Variants in ACLY observed in about 807,000 individuals in gnomAD.
The protein encoded by ACLY is ATP citrate lyase, also known as ATP-citrate synthase.
ACLY carries 41 observed loss-of-function variants against 133.0 expected under a neutral mutation model. The ratio of observed to expected loss-of-function variants is 0.31; its 90% CI spans 0.24 to 0.40. The LOEUF is 0.40. Ranked by LOEUF, ACLY falls within the 10% of genes least tolerant of loss-of-function variation. ACLY has a pLI of 1.00. For missense variants in ACLY, 1,046 were observed against 1,453.8 expected (o/e 0.72, Z 4.56); for synonymous variants, 495 against 549.3 (o/e 0.90, Z 1.38).
At position 41,897,779 on chromosome 17, in the gene ACLY, C is replaced by T. The variant is rs782423120; in HGVS notation, c.1399G>A (p.Ala467Thr). Residue 467 changes from alanine (A) to threonine (T), a missense_variant, in exon 13 of 29, where the codon GCA becomes ACA. By Grantham distance (58) the Ala-to-Thr change is moderately conservative (BLOSUM62 0). Coordinates refer to ENST00000352035, the MANE Select transcript of ACLY (RefSeq NM_001096.3). ...SESRADEVAP[A>T]KKAKPAMPQD... ...GGCATGGCAGGCTTGGCCTTCTTTGCAGGCGCCACCTCATCGGCCCTGGAC... is the reference window on the plus strand; with the variant it reads ...GGCATGGCAGGCTTGGCCTTCTTTGTAGGCGCCACCTCATCGGCCCTGGAC... 5 of 1,612,798 alleles carry T rather than the reference C, an allele frequency of 3.1e-6. No homozygotes were observed. In the South Asian group the frequency reaches 4.4e-5, roughly 14 times the overall value.
In ACLY at chr17:41,882,999, CAAGT is replaced by C. The variant is rs1246139127; in HGVS notation, c.2265+119_2265+122del. ...CTGGCTGGACTTTGTAGTAACCAAGCAAGTAACAAACGTTTCTTGAAGGAACTAG... is the reference window on the plus strand; with the variant it reads ...CTGGCTGGACTTTGTAGTAACCAAGCAACAAACGTTTCTTGAAGGAACTAG... On this transcript the variant is annotated intron_variant, in intron 20 of 28. Coordinates refer to ENST00000352035, the MANE Select transcript of ACLY (RefSeq NM_001096.3). The C allele has an allele frequency of 3.4e-5, 27 of 805,116 alleles. No individual in the cohort carries two copies. In the South Asian group the frequency reaches 4.6e-4, roughly 14 times the overall value. 49.9% of individuals were successfully genotyped at this position (805,116 alleles called of 1,614,324 possible). A position where few individuals can be genotyped will look rare whatever the true frequency, so the allele number is the denominator to read the frequency against.
At chr17:41,881,779 T>C (rs192347160) in intron 20 of ACLY, among the ~76,000 whole-genome samples, 73 of 152,206 alleles carry the variant, frequency 4.8e-4, no homozygotes, top group Middle Eastern at 6.8e-3. Flanking sequence ...TCTACCAAGG[T>C]CTGATTTTAA....
At chr17:41,919,942 C>A (rs1555635239), upstream of ACLY, among the ~76,000 whole-genome samples, 1 of 152,162 alleles carries the variant, frequency 6.6e-6, no homozygotes, top group African/African-American at 2.4e-5. Flanking sequence ...CCTACCTGCA[C>A]CCCAACCCTG....
At chr17:41,897,870 G>C in intron 12 of ACLY, 31 bp from the exon 13 acceptor site, 5 of 1,591,038 alleles carry the variant, frequency 3.1e-6, no homozygotes, top group Non-Finnish European at 4.3e-6. Flanking sequence ...AGTGTAAGAG[G>C]TAAGAGTCAC....
rs2048490575 is a variant in ACLY, at chr17:41,867,254, C to T, written c.*556G>A. On this transcript the variant is annotated 3_prime_UTR_variant, in exon 29 of 29. Coordinates refer to ENST00000352035, the MANE Select transcript of ACLY (RefSeq NM_001096.3). ...ACAGACTCTGGTCTGCAACACAGAACATTTCAGTGGGATACCAAACAAGCC... is the reference window on the plus strand; with the variant it reads ...ACAGACTCTGGTCTGCAACACAGAATATTTCAGTGGGATACCAAACAAGCC... 6.6e-6 allele frequency: 1 copy of T among 152,346 alleles called. No individual in the cohort carries two copies. The highest frequency in any genetic ancestry group is 2.1e-4 in the South Asian group (1 of 4,832). The allele number at this position is 152,346 out of a possible 1,614,324, so 9.4% of individuals were successfully genotyped here.
At chr17:41,929,903 CA>C (rs1280083517) in intron 1 of ACLY, among the ~76,000 whole-genome samples, 2 of 151,864 alleles carry the variant, frequency 1.3e-5, no homozygotes, top group Non-Finnish European at 2.9e-5. Context: ...TAGTTAAAGA[CA>C]TCTTTTTACT....
intron 16 of ACLY, among the ~76,000 whole-genome samples, chr17:41,890,460 G>A (rs1315583776): frequency 2.0e-5 from 3 of 151,656 alleles, no homozygotes; most frequent in African/African-American, 7.3e-5. Flanking sequence ...CGAGGCGGGC[G>A]GATCACGAGG....
At chr17:41,884,024 T>C (rs1221427930) in intron 19 of ACLY, among the ~76,000 whole-genome samples, 169 bp downstream of exon 19, 2 of 152,158 alleles carry the variant, frequency 1.3e-5, no homozygotes, top group Non-Finnish European at 2.9e-5. Context: ...CTCTGAAACA[T>C]AAATGGCAGT....
chr17:41,928,009 C>T (rs555444231), intron 1 of ACLY, among the ~76,000 whole-genome samples: 7 of 151,908 alleles, frequency 4.6e-5, no homozygotes, highest in East Asian at 1.9e-4. Context: ...TGTGGTGGTG[C>T]GTGTCTGTAG....
At position 41,902,652 on chromosome 17, in the gene ACLY, AC is replaced by A. The variant is rs142221232; in HGVS notation, c.1066-840del. ...TGACTTCTGTCACCCAAGGCATTTT[AC>A]ACAAAGTTCCATGTACAGTACCTGC... On this transcript the variant is annotated intron_variant, in intron 10 of 28. Coordinates refer to ENST00000352035, the MANE Select transcript of ACLY (RefSeq NM_001096.3). 5.4e-3 allele frequency among the ~76,000 whole-genome samples: 824 copies of A among 152,358 alleles called. 7 individuals carry two copies. The highest frequency in any genetic ancestry group is 0.019 in the African/African-American group (787 of 41,598).
intron 1 of ACLY, among the ~76,000 whole-genome samples, chr17:41,929,188 A>C (rs1555636327): frequency 1.4e-5 from 2 of 145,300 alleles, no homozygotes; most frequent in Non-Finnish European, 3.0e-5. Context: ...TCGACCTCCC[A>C]CGCTCAAGTG....
chr17:41,909,407 T>C (rs2049827746), intron 5 of ACLY, 103 bp downstream of exon 5: 1 of 1,302,494 alleles, frequency 7.7e-7, no homozygotes, highest in East Asian at 2.3e-5. Context: ...GTCTACCACC[T>C]GGCTCCCAGA....
intron 16 of ACLY, among the ~76,000 whole-genome samples, chr17:41,889,959 C>T (rs1013278700): frequency 2.0e-5 from 3 of 152,182 alleles, no homozygotes; most frequent in African/African-American, 4.8e-5. Context: ...AGATGTGAGT[C>T]ACCGCACCCA....
In ACLY at chr17:41,898,761, T is replaced by A. The variant is rs782118893; in HGVS notation, c.1208A>T (p.His403Leu). ...EVGKTTGIPI[H>L]VFGTETHMTA... ...CATGTGAGTCTCTGTGCCAAAGACA[T>A]GGATGGGGATCCCAGTGGTCTTCCC... Residue 403 changes from histidine to leucine, a missense_variant, in exon 12 of 29, where the codon CAT (histidine) becomes CTT (leucine). Physicochemically the swap from His to Leu is moderately conservative, Grantham distance 99. Around this residue, in one of 4 missense-constraint regions of ACLY, gnomAD observed 575 missense variants for 804.2 expected, o/e 0.71. Coordinates refer to ENST00000352035, the MANE Select transcript of ACLY (RefSeq NM_001096.3). 2 of 1,613,878 alleles carry A rather than the reference T, an allele frequency of 1.2e-6. No homozygotes were observed. Among genetic ancestry groups the A allele is most frequent in the Non-Finnish European group, 1.7e-6 (2 of 1,179,954 alleles).
At chr17:41,883,378 A>AT in intron 19 of ACLY, 146 bp from the exon 20 acceptor site, 1 of 634,076 alleles carries the variant, frequency 1.6e-6, no homozygotes, top group Non-Finnish European at 2.7e-6. Flanking sequence ...TTCTAAAGGA[A>AT]CAAACAGCAG....
chr17:41,908,286 A>C (rs564563668), intron 6 of ACLY, among the ~76,000 whole-genome samples: 2 of 152,188 alleles, frequency 1.3e-5, no homozygotes, highest in Non-Finnish European at 2.9e-5. Context: ...ACTGAGACCA[A>C]GCTCTTCCCA....
chr17:41,926,065 G>C (rs1476338233), intron 1 of ACLY, among the ~76,000 whole-genome samples: 1 of 152,072 alleles, frequency 6.6e-6, no homozygotes, highest in Non-Finnish European at 1.5e-5. Flanking sequence ...GCCTGGTCTT[G>C]AACTCCCGAC....
rs1555625181 is a variant in ACLY, at chr17:41,872,043, G to A, written c.2782C>T (p.Leu928=). 3.7e-6 allele frequency: 6 copies of A among 1,613,870 alleles called. No homozygotes were observed. The South Asian group carries it at 4.4e-5, about 12-fold the overall frequency. The part of the protein sequence containing the change: ...KDLVSSLTSG[L]LTIGDRFGGA... Reference sequence around the variant, plus strand: ...ATGACAGTACTTACGATGGTGAGCAGCCCCGAGGTGAGGCTGGAGACCAGG... The same window carrying A: ...ATGACAGTACTTACGATGGTGAGCAACCCCGAGGTGAGGCTGGAGACCAGG... The change falls in exon 24 of 29, where the codon CTG becomes TTG. Residue 928 remains leucine (L), a synonymous_variant. Transcript: ENST00000352035.
intron 11 of ACLY, among the ~76,000 whole-genome samples, chr17:41,899,040 C>T (rs9913772): frequency 0.68 from 104,039 of 151,944 alleles, 37,184 homozygotes; most frequent in South Asian, 0.83. Flanking sequence ...TTTGGGAGGC[C>T]GAGGCGGGCA....
Sources: allele counts gnomAD v4.1 joint callset (sites outside exome capture counted in the v4.1 genomes callset), GRCh38; gene constraint gnomAD v4.1.1; regional missense constraint gnomAD v4.1.1; transcripts MANE v1.5; gene names NCBI Gene and HGNC (gene_info 2026-07-23, HGNC 2026-07-21).